The following RADIL variants were observed in gnomAD, a reference collection of about 807,000 sequenced individuals.
RADIL encodes Rap associating with DIL domain, also known as ras-associating and dilute domain-containing protein.
A neutral mutation model predicts 97.6 loss-of-function variants in RADIL; 99 were observed. That is an observed-to-expected ratio of 1.01 (90% CI 0.86 to 1.20). RADIL has a LOEUF of 1.20. Ranked by LOEUF, RADIL falls within the 50% of genes most tolerant of loss-of-function variation. The pLI is 0.00. For missense variants in RADIL, 1,765 were observed against 1,498.9 expected, an observed-to-expected ratio of 1.18 and a Z score of -2.93; for synonymous variants, 803 against 691.8, an observed-to-expected ratio of 1.16 and a Z score of -2.52.
chr7:4,846,807 G>A (rs1437912283), intron 2 of RADIL, among the ~76,000 whole-genome samples: 9 of 150,564 alleles, frequency 6.0e-5, no homozygotes, highest in African/African-American at 1.7e-4. Flanking sequence ...TCAGCCTCCC[G>A]AACTGCTGGG....
At position 4,799,344 on chromosome 7, in the gene RADIL, G is replaced by A. The variant is rs149757850; in HGVS notation, c.*34C>T. On this transcript the variant is annotated 3_prime_UTR_variant, in exon 15 of 15. Transcript: ENST00000399583. The stretch of plus-strand genomic sequence containing the variant: ...GCCCAGTGTCACCAGGTGGGACCGG[G>A]TGCCGGGCCTGTGGGGGTGTCCTCG... The A allele has an allele frequency of 6.2e-7, 1 of 1,602,548 alleles. No individual in the cohort carries two copies. Among genetic ancestry groups the A allele is most frequent in the East Asian group, 2.2e-5 (1 of 44,810 alleles).
intron 2 of RADIL, among the ~76,000 whole-genome samples, chr7:4,875,566 G>A (rs1413834027): frequency 6.6e-6 from 1 of 152,176 alleles, no homozygotes; most frequent in Non-Finnish European, 1.5e-5. Context: ...GACAGGCCAG[G>A]CTGATCCCCA....
chr7:4,865,891 T>C (rs1169499655), intron 2 of RADIL: 1 of 637,268 alleles, frequency 1.6e-6, no homozygotes, highest in Non-Finnish European at 2.8e-6. Context: ...CGTTATGTTC[T>C]AATTACCTTT....
Position 4,837,916 on chromosome 7 carries a change from C to T in RADIL, c.536-1311G>A. On this transcript the variant is annotated intron_variant, in intron 2 of 14. Coordinates refer to ENST00000399583, the MANE Select transcript of RADIL (RefSeq NM_018059.5). The surrounding 1 kb of genome is among the most constrained non-coding windows in gnomAD (Gnocchi z 5.6). ...CTTTCAGGTTAAGATCCATCCCCATCTGTGGCGGCCTTTCCTCCAACCATT... is the reference window on the plus strand; with the variant it reads ...CTTTCAGGTTAAGATCCATCCCCATTTGTGGCGGCCTTTCCTCCAACCATT... 2.0e-6 allele frequency: 2 copies of T among 985,448 alleles called. No individual in the cohort carries two copies. Among genetic ancestry groups the T allele is most frequent in the Non-Finnish European group, 2.4e-6 (2 of 829,930 alleles). The allele number at this position is 985,448 out of a possible 1,614,324, so 61.0% of individuals were successfully genotyped here.
chr7:4,850,440 A>G (rs1783681455), intron 2 of RADIL, among the ~76,000 whole-genome samples: 1 of 152,200 alleles, frequency 6.6e-6, no homozygotes, highest in South Asian at 2.1e-4. Context: ...AAGGTTGTCT[A>G]TCAGCTGACC....
rs760261239 is a variant in RADIL, at chr7:4,878,051, C to T, written c.89G>A (p.Arg30Gln). The T allele has an allele frequency of 6.2e-6, 10 of 1,604,078 alleles. No homozygotes were observed. Among genetic ancestry groups the T allele is most frequent in the Admixed American group, 1.7e-5 (1 of 58,122 alleles). ...QSQLLSSMLSRTLSYKYRDLD... is the reference protein window; with the variant it reads ...QSQLLSSMLSQTLSYKYRDLD... ...GTCCCGGTACTTGTAGCTCAGCGTC[C>T]GGGACAGCATGCTGGACAACAGCTG... The change falls in exon 2 of 15, where the codon CGG (arginine) becomes CAG (glutamine). Residue 30 changes from arginine to glutamine, a missense_variant. Arg to Gln is a conservative substitution (Grantham distance 43, BLOSUM62 1). Coordinates refer to ENST00000399583, the MANE Select transcript of RADIL (RefSeq NM_018059.5). The surrounding 1 kb of genome is among the most constrained non-coding windows in gnomAD (Gnocchi z 4.1).
chr7:4,860,298 C>G (rs769369052), intron 2 of RADIL: 1 of 1,613,800 alleles, frequency 6.2e-7, no homozygotes, highest in East Asian at 2.2e-5. Context: ...GCTTTCTTGT[C>G]CTGAAGCACA....
chr7:4,816,880 C>A (rs746243528), intron 7 of RADIL, among the ~76,000 whole-genome samples: 1 of 152,174 alleles, frequency 6.6e-6, no homozygotes, highest in African/African-American at 2.4e-5. Context: ...GGCGGCAGCA[C>A]CTCTGGCACC....
chr7:4,870,742 C>G (rs1784233767), intron 2 of RADIL, among the ~76,000 whole-genome samples: 1 of 152,226 alleles, frequency 6.6e-6, no homozygotes, highest in South Asian at 2.1e-4. Flanking sequence ...CCGTGCCCGA[C>G]TATTTTATGT....
At chr7:4,846,921 A>T (rs1199584642) in intron 2 of RADIL, among the ~76,000 whole-genome samples, 1 of 152,216 alleles carries the variant, frequency 6.6e-6, no homozygotes, top group Non-Finnish European at 1.5e-5. Flanking sequence ...GCCAATAAGT[A>T]CAGTAAAATA....
At position 4,867,210 on chromosome 7, in the gene RADIL, G is replaced by A. The variant is rs754877242; in HGVS notation, c.535+10395C>T. On this transcript the variant is annotated intron_variant, in intron 2 of 14. Coordinates refer to ENST00000399583, the MANE Select transcript of RADIL (RefSeq NM_018059.5). The surrounding 1 kb of genome is among the most constrained non-coding windows in gnomAD (Gnocchi z 4.1). ...GGTGTTGAGGGGCACACAGGCACAC[G>A]AGGCTTCTGAGGAAGCTGCTGTCCA... Among the ~76,000 whole-genome samples the A allele has an allele frequency of 2.6e-5, 4 of 152,122 alleles. No individual in the cohort carries two copies. The highest frequency in any genetic ancestry group is 4.8e-5 in the African/African-American group (2 of 41,416).
chr7:4,836,692 C>T, intron 2 of RADIL, 87 bp from the exon 3 acceptor site: 2 of 1,545,080 alleles, frequency 1.3e-6, no homozygotes, highest in Non-Finnish European at 1.7e-6. Context: ...AATCCCAGCA[C>T]TTTGGGAGGC....
intron 2 of RADIL, chr7:4,860,716 A>G: frequency 6.2e-7 from 1 of 1,614,130 alleles, no homozygotes; most frequent in Non-Finnish European, 8.5e-7. Flanking sequence ...AGAAGCTTGG[A>G]GCTTCAAAGA....
chr7:4,856,333 C>G (rs34575548), intron 2 of RADIL, among the ~76,000 whole-genome samples: 3,377 of 152,246 alleles, frequency 0.022, 133 homozygotes, highest in African/African-American at 0.076. Flanking sequence ...TGATCTCGAA[C>G]TCCTGGTCTC....
intron 2 of RADIL, among the ~76,000 whole-genome samples, chr7:4,870,346 T>C (rs770387126): frequency 1.4e-4 from 21 of 152,230 alleles, no homozygotes; most frequent in African/African-American, 1.7e-4. Flanking sequence ...TGAGAGACGC[T>C]ACTCAGTATG....
At chr7:4,801,563 C>A in intron 12 of RADIL, 90 bp downstream of exon 12, 2 of 1,398,502 alleles carry the variant, frequency 1.4e-6, no homozygotes, top group Non-Finnish European at 1.9e-6. Context: ...AACCTAGGAC[C>A]CAAGGGGGGA....
In RADIL at chr7:4,868,423, C is replaced by G. The variant is rs919386812; in HGVS notation, c.535+9182G>C. 3.3e-5 allele frequency among the ~76,000 whole-genome samples: 5 copies of G among 152,182 alleles called. No homozygotes were observed. The East Asian group carries it at 9.6e-4, about 29-fold the overall frequency. On this transcript the variant is annotated intron_variant, in intron 2 of 14. Coordinates refer to ENST00000399583, the MANE Select transcript of RADIL (RefSeq NM_018059.5). ...GGGTGGCAGCCTCTGGATTAGCTATCAGCAACCCTCACAACTTCTTTGCCT... is the reference window on the plus strand; with the variant it reads ...GGGTGGCAGCCTCTGGATTAGCTATGAGCAACCCTCACAACTTCTTTGCCT...
rs569021080 is a variant in RADIL at position 4,798,090 on chromosome 7, TTA to T, written c.*1286_*1287del. On this transcript the variant is annotated 3_prime_UTR_variant, in exon 15 of 15. Transcript: ENST00000399583. ...AATATATTCATATATAATTATATAT[TTA>T]TATATATTCATATATTTTACATATC... 443 of 147,950 alleles carry T rather than the reference TTA, an allele frequency of 3.0e-3. 6 individuals carry two copies. The highest frequency in any genetic ancestry group is 0.01 in the African/African-American group (421 of 40,688). The allele number at this position is 147,950 out of a possible 1,614,324, so 9.2% of individuals were successfully genotyped here.
In RADIL at chr7:4,821,470, G is replaced by GCCCGGC. The variant is rs1782829477; in HGVS notation, c.1615+918_1615+923dup. Among the ~76,000 whole-genome samples the GCCCGGC allele has an allele frequency of 6.6e-6, 1 of 152,174 alleles. No individual in the cohort carries two copies. Among genetic ancestry groups the GCCCGGC allele is most frequent in the African/African-American group, 2.4e-5 (1 of 41,446 alleles). On this transcript the variant is annotated intron_variant, in intron 6 of 14. Transcript: ENST00000399583. This position sits in a 1 kb window ranked among gnomAD's most constrained non-coding sequence, Gnocchi z 5.2. ...GCCGAAATCCTACCCCGGCTTCCGG[G>GCCCGGC]CCCGGCCCCATGCCACCTTCCTCTC... is the stretch of plus-strand genomic sequence containing the variant.
Sources: allele counts gnomAD v4.1 joint callset (sites outside exome capture counted in the v4.1 genomes callset), GRCh38; gene constraint gnomAD v4.1.1; non-coding constraint Gnocchi (gnomAD v3.1); transcripts MANE v1.5; gene names NCBI Gene and HGNC (gene_info 2026-07-23, HGNC 2026-07-21).